SLC44A5: variants seen among roughly 807,000 people sequenced by gnomAD.
SLC44A5 encodes solute carrier family 44 member 5.
Under a neutral mutation model 101.8 loss-of-function variants are expected in SLC44A5, and 57 were observed. The ratio of observed to expected loss-of-function variants is 0.56; its 90% confidence interval spans 0.45 to 0.70. SLC44A5 has a LOEUF of 0.70. SLC44A5 is among the 30% of genes least tolerant of loss of function. The pLI, the probability that SLC44A5 is intolerant of heterozygous loss-of-function variation, is 0.00. For synonymous variants in SLC44A5, 281 were observed against 290.9 expected, an observed-to-expected ratio of 0.97 and a Z score of 0.35; for missense variants, 737 against 853.1, an observed-to-expected ratio of 0.86 and a Z score of 1.70.
At chr1:75,350,316 G>A (rs1305794884) in intron 3 of SLC44A5, among the ~76,000 whole-genome samples, 6 of 150,780 alleles carry the variant, frequency 4.0e-5, no homozygotes, top group African/African-American at 1.5e-4. Context: ...TCACAAATCA[G>A]GAAGAGGGCA....
chr1:75,679,567 G>C, the SLC44A5 span, among the ~76,000 whole-genome samples: 2 of 151,798 alleles, frequency 1.3e-5, no homozygotes, highest in African/African-American at 4.8e-5. Context: ...AATGCTGAGA[G>C]ATTTTGTCAC....
At chr1:75,335,445 AG>A (rs1276567711) in intron 4 of SLC44A5, among the ~76,000 whole-genome samples, 1 of 152,194 alleles carries the variant, frequency 6.6e-6, no homozygotes, top group Non-Finnish European at 1.5e-5. Context: ...AATTATCAAA[AG>A]GTTGCTTGAT....
At chr1:75,686,388 C>G in the SLC44A5 span, among the ~76,000 whole-genome samples, 1 of 152,184 alleles carries the variant, frequency 6.6e-6, no homozygotes, top group Non-Finnish European at 1.5e-5. Context: ...ATGAGATTTT[C>G]ACAGAGATGT....
intron 1 of SLC44A5, among the ~76,000 whole-genome samples, chr1:75,559,957 G>A (rs935799068): frequency 2.6e-5 from 4 of 152,108 alleles, no homozygotes; most frequent in Admixed American, 1.3e-4. Flanking sequence ...AGTCATTGGA[G>A]AAATGCAAGT....
At chr1:75,370,544 A>G (rs1307943358) in intron 3 of SLC44A5, among the ~76,000 whole-genome samples, 1 of 152,200 alleles carries the variant, frequency 6.6e-6, no homozygotes, top group African/African-American at 2.4e-5. Flanking sequence ...TCAGTGAACT[A>G]CAAAGTCAAT....
At chr1:75,247,501 T>A (rs1343199383) in intron 7 of SLC44A5, among the ~76,000 whole-genome samples, 2 of 152,046 alleles carry the variant, frequency 1.3e-5, no homozygotes, top group Non-Finnish European at 2.9e-5. Flanking sequence ...ATTTGAGAAG[T>A]CAGCAAGTAG....
chr1:75,609,962 T>G (rs891520061), intron 1 of SLC44A5, among the ~76,000 whole-genome samples: 8 of 152,030 alleles, frequency 5.3e-5, no homozygotes, highest in African/African-American at 1.7e-4. Context: ...GGGGCTATCA[T>G]GAAATTCAGT....
the SLC44A5 span, among the ~76,000 whole-genome samples, chr1:75,621,982 C>T: frequency 1.8e-4 from 27 of 152,066 alleles, no homozygotes; most frequent in African/African-American, 6.5e-4. Flanking sequence ...ACTTAAATAA[C>T]ACTTCTTCCC....
intron 2 of SLC44A5, among the ~76,000 whole-genome samples, chr1:75,455,488 T>C (rs1666135163): frequency 6.6e-6 from 1 of 152,046 alleles, no homozygotes; most frequent in Non-Finnish European, 1.5e-5. Flanking sequence ...TCAATAGCAA[T>C]TGCAACAAAA....
At chr1:75,207,689 A>T (rs1439635274) in intron 23 of SLC44A5, among the ~76,000 whole-genome samples, 1 of 152,082 alleles carries the variant, frequency 6.6e-6, no homozygotes, top group Non-Finnish European at 1.5e-5. Context: ...CCTTAATCCT[A>T]TTTCTATACA....
chr1:75,211,507 C>T lies in SLC44A5; in HGVS notation c.2008G>A (p.Val670Ile), dbSNP rs188915156. 8.1e-5 allele frequency: 131 copies of T among 1,612,710 alleles called. No homozygotes were observed. Among genetic ancestry groups the T allele is most frequent in the African/African-American group, 1.6e-4 (12 of 74,952 alleles). The change falls in exon 23 of 24, where the codon GTC becomes ATC. Residue 670 changes from valine (V) to isoleucine (I), a missense_variant. Physicochemically the swap from Val to Ile is conservative, Grantham distance 29. Coordinates refer to ENST00000370859, the MANE Select transcript of SLC44A5 (RefSeq NM_001130058.2). ...ATTGTTTCAACACACATTGCATAGA[C>T]GCTGAAGAACCCATGTGCAATCAGG... ...SYLIAHGFFS[V>I]YAMCVETIFI...
chr1:75,524,115 C>T (rs1670291253), intron 2 of SLC44A5, among the ~76,000 whole-genome samples: 1 of 152,156 alleles, frequency 6.6e-6, no homozygotes, highest in Admixed American at 6.5e-5. Flanking sequence ...TGATTGGATC[C>T]TGGGAACAGA....
intron 2 of SLC44A5, among the ~76,000 whole-genome samples, chr1:75,502,881 T>C (rs1157252691): frequency 6.6e-6 from 1 of 152,048 alleles, no homozygotes; most frequent in African/African-American, 2.4e-5. Flanking sequence ...AACTTAAGAG[T>C]GGGGGCTCCG....
At chr1:75,720,071 C>T in the SLC44A5 span, among the ~76,000 whole-genome samples, 1 of 152,134 alleles carries the variant, frequency 6.6e-6, no homozygotes, top group East Asian at 1.9e-4. Flanking sequence ...GTAAATCCTG[C>T]CCTTAGATCA....
At chr1:75,644,024 T>C in the SLC44A5 span, among the ~76,000 whole-genome samples, 1 of 152,334 alleles carries the variant, frequency 6.6e-6, no homozygotes, top group East Asian at 1.9e-4. Context: ...TTCTCAGTTA[T>C]CTACATCCTA....
the SLC44A5 span, among the ~76,000 whole-genome samples, chr1:75,662,901 C>T: frequency 6.6e-6 from 1 of 152,184 alleles, no homozygotes; most frequent in East Asian, 1.9e-4. Flanking sequence ...GTATTCAAAA[C>T]AAACTCTCCA....
chr1:75,704,364 C>A, the SLC44A5 span, among the ~76,000 whole-genome samples: 6 of 152,174 alleles, frequency 3.9e-5, no homozygotes, highest in East Asian at 1.2e-3. Context: ...TGGCTCATAC[C>A]TGTAATCCTA....
At chr1:75,466,561 C>A (rs367849170) in intron 2 of SLC44A5, among the ~76,000 whole-genome samples, 2 of 149,028 alleles carry the variant, frequency 1.3e-5, no homozygotes, top group African/African-American at 5.0e-5. Context: ...GGGGCCAAAG[C>A]AGGAGAATTG....
At chr1:75,539,093 T>A (rs17375756) in intron 2 of SLC44A5, among the ~76,000 whole-genome samples, 25,046 of 152,168 alleles carry the variant, frequency 0.16, 2,247 homozygotes, top group Admixed American at 0.24. Flanking sequence ...AAAACTTAAA[T>A]AGTCTATCCC....
Sources: allele counts gnomAD v4.1 joint callset (sites outside exome capture counted in the v4.1 genomes callset), GRCh38; gene constraint gnomAD v4.1.1; transcripts MANE v1.5; gene names NCBI Gene and HGNC (gene_info 2026-07-23, HGNC 2026-07-21).